WNK1: variants seen among roughly 807,000 people sequenced by gnomAD.
WNK1 encodes WNK lysine deficient protein kinase 1.
In WNK1, 38 loss-of-function variants were observed where a neutral mutation model predicts 222.8. The ratio of observed to expected loss-of-function variants is 0.17; its 90% CI spans 0.13 to 0.22. WNK1 has a LOEUF of 0.22. WNK1 is among the 10% of genes least tolerant of loss of function. WNK1 has a pLI of 1.00. For synonymous variants in WNK1, 1,090 were observed against 1,092.9 expected, an observed-to-expected ratio of 1.00 and a Z score of 0.05; for missense variants, 2,348 against 2,918.4, an observed-to-expected ratio of 0.80 and a Z score of 4.50.
At position 884,899 on chromosome 12, in the gene WNK1, C is replaced by T. The variant is rs1402800967; in HGVS notation, c.4095C>T (p.Asp1365=). The T allele has an allele frequency of 6.2e-7, 1 of 1,614,022 alleles. No individual in the cohort carries two copies. Among genetic ancestry groups the T allele is most frequent in the Non-Finnish European group, 8.5e-7 (1 of 1,180,018 alleles). Residue 1365 remains aspartate, a synonymous_variant, in exon 19 of 28, where the codon GAC becomes GAT. Transcript: ENST00000315939. This position sits in a 1 kb window ranked among gnomAD's most constrained non-coding sequence, Gnocchi z 5.6. ...CTGCAACAAGCAGCCCTCCTAATGACATTTCCACATCAGTAATTCAGTCTG... is the reference window on the plus strand; with the variant it reads ...CTGCAACAAGCAGCCCTCCTAATGATATTTCCACATCAGTAATTCAGTCTG... The part of the protein sequence containing the change: ...PVPATSSPPN[D]ISTSVIQSEV...
intron 1 of WNK1, among the ~76,000 whole-genome samples, chr12:758,117 C>A (rs1212204772): frequency 6.9e-6 from 1 of 145,722 alleles, no homozygotes; most frequent in Non-Finnish European, 1.5e-5. Context: ...AAGCACCTTC[C>A]CAAGTTGCCT....
intron 2 of WNK1, among the ~76,000 whole-genome samples, chr12:817,141 G>C (rs1947417964): frequency 1.3e-5 from 2 of 152,110 alleles, no homozygotes; most frequent in African/African-American, 4.8e-5. Context: ...AAAAAAGACA[G>C]AAAATATTTA....
chr12:867,349 C>A (rs556375488), intron 8 of WNK1, among the ~76,000 whole-genome samples: 62 of 152,250 alleles, frequency 4.1e-4, no homozygotes, highest in African/African-American at 1.4e-3. Context: ...AGAAGGCATA[C>A]TATTAATTGA....
chr12:851,805 T>G (rs1454409766), intron 4 of WNK1: 3 of 1,322,954 alleles, frequency 2.3e-6, no homozygotes, highest in Non-Finnish European at 3.0e-6. Context: ...TTCCAGTATA[T>G]GTAACAGTTT....
At position 827,963 on chromosome 12, in the gene WNK1, AT is replaced by A. The variant is rs1210883326; in HGVS notation, c.1153+706del. 2.6e-5 allele frequency among the ~76,000 whole-genome samples: 4 copies of A among 152,174 alleles called. No individual in the cohort carries two copies. In the South Asian group the frequency reaches 6.2e-4, roughly 24 times the overall value. ...TCTAAAATTAAAAGATAAAAATTAA[AT>A]TTTTAAACATATAAAATGTCTGTTG... is the stretch of plus-strand genomic sequence containing the variant. On this transcript the variant is annotated intron_variant, in intron 3 of 27. Coordinates refer to ENST00000315939, the MANE Select transcript of WNK1 (RefSeq NM_018979.4). The surrounding 1 kb of genome is among the most constrained non-coding windows in gnomAD (Gnocchi z 4.6).
At chr12:776,446 T>TGTGTGTGTGTG (rs1158501572) in intron 1 of WNK1, among the ~76,000 whole-genome samples, 1 of 61,482 alleles carries the variant, frequency 1.6e-5, no homozygotes, top group Non-Finnish European at 4.1e-5. Flanking sequence ...GTGTGTGTGT[T>TGTGTGTGTGTG]TCTTGAGATG....
At chr12:868,695 A>T in intron 8 of WNK1, 4 of 1,613,918 alleles carry the variant, frequency 2.5e-6, no homozygotes, top group Non-Finnish European at 3.4e-6. Context: ...CAGCGTGTTT[A>T]CCGAAATCGG....
intron 1 of WNK1, among the ~76,000 whole-genome samples, chr12:784,590 T>C (rs1037804991): frequency 2.0e-5 from 3 of 152,222 alleles, no homozygotes; most frequent in Non-Finnish European, 4.4e-5. Context: ...TAATAAGTTG[T>C]CCACATCCAT....
rs553522235 is a variant in WNK1, at chr12:765,931, CTG to C, written c.759+11609_759+11610del. 2.7e-3 allele frequency among the ~76,000 whole-genome samples: 410 copies of C among 152,148 alleles called. 1 individual carries two copies. The highest frequency in any genetic ancestry group is 0.01 in the Middle Eastern group (3 of 294). ...GAAAAAATAGTTATTTTTTGGGAAA[CTG>C]TACAAAGGATGTTATCACATACATG... On this transcript the variant is annotated intron_variant, in intron 1 of 27. Coordinates refer to ENST00000315939, the MANE Select transcript of WNK1 (RefSeq NM_018979.4).
chr12:887,332 C>T, intron 20 of WNK1, 28 bp downstream of exon 20: 3 of 1,609,126 alleles, frequency 1.9e-6, no homozygotes, highest in Non-Finnish European at 2.6e-6. Context: ...AAATTTCTTC[C>T]TGTGCCCTAC....
chr12:753,881 A>G lies in WNK1; in HGVS notation c.316A>G (p.Ser106Gly). 1 of 1,612,100 alleles carries G rather than the reference A, an allele frequency of 6.2e-7. No homozygotes were observed. Among genetic ancestry groups the G allele is most frequent in the Non-Finnish European group, 8.5e-7 (1 of 1,179,732 alleles). The change falls in exon 1 of 28, where the codon AGC becomes GGC. Residue 106 changes from serine (S) to glycine (G), a missense_variant. Physicochemically the swap from Ser to Gly is moderately conservative, Grantham distance 56. Around this residue, in one of 13 missense-constraint regions of WNK1, gnomAD observed 185 missense variants for 159.2 expected, o/e 1.16. Coordinates refer to ENST00000315939, the MANE Select transcript of WNK1 (RefSeq NM_018979.4). This position sits in a 1 kb window ranked among gnomAD's most constrained non-coding sequence, Gnocchi z 5.2. ...CCTTCCTCTTTCCCTGCCCCAGCCC[A>G]GCATCCCCGCGGCTGTCCCGCAGAG... ...PGLPLSLPQP[S>G]IPAAVPQSAP...
Position 884,715 on chromosome 12 carries a change from A to C in WNK1, c.3911A>C (p.Gln1304Pro). 2 of 1,614,170 alleles carry C rather than the reference A, an allele frequency of 1.2e-6. No individual in the cohort carries two copies. The highest frequency in any genetic ancestry group is 1.1e-5 in the South Asian group (1 of 91,076). The change falls in exon 19 of 28, where the codon CAA (glutamine) becomes CCA (proline). Residue 1304 changes from glutamine (Q) to proline (P), a missense_variant. Around this residue, in one of 13 missense-constraint regions of WNK1, gnomAD observed 1,144 missense variants for 1,273.6 expected, o/e 0.90. Transcript: ENST00000315939. This position sits in a 1 kb window ranked among gnomAD's most constrained non-coding sequence, Gnocchi z 5.6. ...LSHSASSLSL[Q>P]QAFSELRRAQ... ...CACTCTGCATCATCCCTTAGTCTAC[A>C]ACAGGCCTTTTCTGAACTTAGACGT...
intron 10 of WNK1, among the ~76,000 whole-genome samples, chr12:879,040 G>C (rs1388908590): frequency 6.6e-6 from 1 of 151,990 alleles, no homozygotes; most frequent in Non-Finnish European, 1.5e-5. Context: ...TAGTGGAGAG[G>C]GATGATTGCA....
intron 2 of WNK1, among the ~76,000 whole-genome samples, chr12:821,222 T>C (rs1020273652): frequency 2.0e-5 from 3 of 152,190 alleles, no homozygotes; most frequent in Admixed American, 6.5e-5. Context: ...ATCCTTTTAC[T>C]ATGCAGTTGG....
intron 4 of WNK1, among the ~76,000 whole-genome samples, chr12:846,457 A>T (rs1402364371): frequency 6.6e-6 from 1 of 152,176 alleles, no homozygotes; most frequent in Non-Finnish European, 1.5e-5. Flanking sequence ...GTATTCAGAG[A>T]GTAACGAGCC....
At chr12:841,795 C>T (rs1023062489) in intron 4 of WNK1, among the ~76,000 whole-genome samples, 2 of 152,116 alleles carry the variant, frequency 1.3e-5, no homozygotes, top group Non-Finnish European at 2.9e-5. Flanking sequence ...GTGAAAGAGT[C>T]AAAAAGCTCC....
intron 4 of WNK1, among the ~76,000 whole-genome samples, chr12:831,357 G>A (rs1948777105): frequency 6.6e-6 from 1 of 151,934 alleles, no homozygotes; most frequent in Non-Finnish European, 1.5e-5. Flanking sequence ...GGCCAACATG[G>A]TGAAACCCCA....
intron 5 of WNK1, among the ~76,000 whole-genome samples, chr12:858,130 A>G (rs747519841): frequency 2.0e-5 from 3 of 151,848 alleles, no homozygotes; most frequent in Non-Finnish European, 4.4e-5. Context: ...ATTTTTATAT[A>G]TGCTGGGTAC....
At chr12:835,396 T>C (rs893540084) in intron 4 of WNK1, among the ~76,000 whole-genome samples, 3 of 152,216 alleles carry the variant, frequency 2.0e-5, no homozygotes, top group Non-Finnish European at 4.4e-5. Flanking sequence ...CTCAGTTTTC[T>C]ATATTCTGAA....
Sources: allele counts gnomAD v4.1 joint callset (sites outside exome capture counted in the v4.1 genomes callset), GRCh38; gene constraint gnomAD v4.1.1; regional missense constraint gnomAD v4.1.1; non-coding constraint Gnocchi (gnomAD v3.1); transcripts MANE v1.5; gene names NCBI Gene and HGNC (gene_info 2026-07-23, HGNC 2026-07-21).